The following COL19A1 variants were observed in gnomAD, a reference collection of about 807,000 sequenced individuals.
The protein encoded by COL19A1 is collagen alpha-1(XIX) chain.
In COL19A1, 159 loss-of-function variants were observed where a neutral mutation model predicts 190.2. The observed-to-expected ratio is 0.84, with a 90% CI of 0.73 to 0.95. The LOEUF (loss-of-function observed/expected upper bound fraction) is 0.95. Among genes scored for constraint, COL19A1 ranks in the 40% least tolerant of loss-of-function variants. COL19A1 has a pLI of 0.00. For synonymous variants in COL19A1, 509 were observed against 458.9 expected (o/e 1.11, Z -1.39); for missense variants, 1,418 against 1,431.9 (o/e 0.99, Z 0.16).
intron 4 of COL19A1, among the ~76,000 whole-genome samples, chr6:69,919,863 G>C (rs571396788): frequency 6.6e-4 from 100 of 151,878 alleles, no homozygotes; most frequent in Non-Finnish European, 1.0e-3. Context: ...CTATAGGTTG[G>C]GAGTTCTAGA....
intron 31 of COL19A1, among the ~76,000 whole-genome samples, chr6:70,153,780 T>G (rs1026408097): frequency 6.6e-6 from 1 of 151,808 alleles, no homozygotes; most frequent in African/African-American, 2.4e-5. Flanking sequence ...ATCTTCATAG[T>G]TTTTCAGGTG....
At chr6:70,072,171 G>A (rs1781599769) in intron 15 of COL19A1, among the ~76,000 whole-genome samples, 1 of 152,042 alleles carries the variant, frequency 6.6e-6, no homozygotes, top group African/African-American at 2.4e-5. Context: ...AAAAGAACTG[G>A]CATTATAAAA....
At chr6:70,151,369 G>T in intron 30 of COL19A1, 28 bp from the exon 31 acceptor site, 1 of 1,608,386 alleles carries the variant, frequency 6.2e-7, no homozygotes. Flanking sequence ...ATAAATGCAT[G>T]TATTTGGTTT....
chr6:69,884,706 T>A (rs1582277792), intron 2 of COL19A1, among the ~76,000 whole-genome samples: 2 of 152,200 alleles, frequency 1.3e-5, no homozygotes, highest in African/African-American at 4.8e-5. Flanking sequence ...TAACTCCTCT[T>A]GGATGACTAT....
At chr6:70,104,490 C>T (rs568681001) in intron 16 of COL19A1, among the ~76,000 whole-genome samples, 33 of 152,152 alleles carry the variant, frequency 2.2e-4, no homozygotes, top group Non-Finnish European at 4.9e-4. Flanking sequence ...CCATTAGAAA[C>T]CACCCTCTTG....
chr6:70,199,814 A>G (rs745489510), intron 49 of COL19A1, 78 bp downstream of exon 49: 14 of 1,421,912 alleles, frequency 9.8e-6, no homozygotes, highest in South Asian at 1.5e-5. Context: ...AGTTAAGGAA[A>G]AAAGTATGTA....
At chr6:69,871,158 C>T (rs1421426094) in intron 1 of COL19A1, among the ~76,000 whole-genome samples, 3 of 152,140 alleles carry the variant, frequency 2.0e-5, no homozygotes, top group South Asian at 2.1e-4. Context: ...GGATATTTTG[C>T]CTGATTATTG....
rs1184246372 is a variant in COL19A1 at position 70,208,630 on chromosome 6, C to G, written c.*1356C>G. 1 of 152,658 alleles carries G rather than the reference C, an allele frequency of 6.6e-6. No individual in the cohort carries two copies. The highest frequency in any genetic ancestry group is 1.5e-5 in the Non-Finnish European group (1 of 68,068). The allele number at this position is 152,658 out of a possible 1,614,324, so 9.5% of individuals were successfully genotyped here. On this transcript the variant is annotated 3_prime_UTR_variant, in exon 51 of 51. Transcript: ENST00000620364. Reference sequence around the variant, plus strand: ...GCAGAAATCTAGATGGTGGGTCCCACAGATGTGAGAACATGCTGCAAGAGC... The same window carrying G: ...GCAGAAATCTAGATGGTGGGTCCCAGAGATGTGAGAACATGCTGCAAGAGC...
chr6:69,964,276 A>G (rs1437652546), intron 11 of COL19A1, among the ~76,000 whole-genome samples: 1 of 152,138 alleles, frequency 6.6e-6, no homozygotes, highest in Non-Finnish European at 1.5e-5. Context: ...TATAATAACC[A>G]TACTTTTGGA....
chr6:70,206,766 C>T, intron 49 of COL19A1, 135 bp from the exon 50 acceptor site: 1 of 648,274 alleles, frequency 1.5e-6, no homozygotes, highest in South Asian at 2.5e-5. Flanking sequence ...TAATGCAAAA[C>T]AGTTAGCTAA....
Position 70,053,374 on chromosome 6 carries a change from G to T in COL19A1, c.1171-15049G>T, listed in dbSNP as rs190694780. Among the ~76,000 whole-genome samples, 114 of 152,104 alleles carry T rather than the reference G, an allele frequency of 7.5e-4. 3 individuals carry two copies. Among genetic ancestry groups the T allele is most frequent in the Admixed American group, 7.2e-3 (110 of 15,278 alleles). On this transcript the variant is annotated intron_variant, in intron 14 of 50. Coordinates refer to ENST00000620364, the MANE Select transcript of COL19A1 (RefSeq NM_001858.6). ...AGTGACTGGTAAATTGAAAATTAGG[G>T]TTTTTTTCTGACTTTGATAGATTCA...
At position 70,199,601 on chromosome 6, in the gene COL19A1, C is replaced by T; in HGVS notation, c.3095-7C>T. ...ATGATATATTATTTTTTCTTCTATA[C>T]ATGAAGAGAGGATGGCTGTATTCCT... On this transcript the variant is annotated splice_region_variant and splice_polypyrimidine_tract_variant and intron_variant, in intron 48 of 50. Transcript: ENST00000620364. 1 of 1,551,548 alleles carries T rather than the reference C, an allele frequency of 6.4e-7. No individual in the cohort carries two copies. The highest frequency in any genetic ancestry group is 8.7e-7 in the Non-Finnish European group (1 of 1,146,284).
chr6:70,162,879 T>A (rs912647979), intron 35 of COL19A1, among the ~76,000 whole-genome samples: 1 of 152,160 alleles, frequency 6.6e-6, no homozygotes, highest in Non-Finnish European at 1.5e-5. Context: ...ACCATGAAAA[T>A]TATAGCTAAC....
At chr6:70,120,056 A>C (rs1198740821) in intron 16 of COL19A1, among the ~76,000 whole-genome samples, 3 of 152,158 alleles carry the variant, frequency 2.0e-5, no homozygotes, top group African/African-American at 4.8e-5. Context: ...GTGCCACTGC[A>C]CTCCAGCCTG....
chr6:70,138,122 A>G (rs543645813), intron 19 of COL19A1, among the ~76,000 whole-genome samples: 4 of 152,326 alleles, frequency 2.6e-5, no homozygotes, highest in Non-Finnish European at 5.9e-5. Flanking sequence ...TGGTATAACT[A>G]AACACTGCAG....
intron 2 of COL19A1, chr6:69,891,201 A>AGC (rs138728372): frequency 0.1 from 14,762 of 142,148 alleles, 811 homozygotes; most frequent in Middle Eastern, 0.13. Flanking sequence ...ACACCCAGCT[A>AGC]GCAAAAAAAA....
In COL19A1 at chr6:69,922,704, C is replaced by T. The variant is rs534297018; in HGVS notation, c.267-5205C>T. On this transcript the variant is annotated intron_variant, in intron 4 of 50. Coordinates refer to ENST00000620364, the MANE Select transcript of COL19A1 (RefSeq NM_001858.6). ...CTATGTTGGCCAGGCAGGTCTCAAA[C>T]TCCTGACCTCAAGTGATCTGCCCGC... Among the ~76,000 whole-genome samples, 11 of 152,198 alleles carry T rather than the reference C, an allele frequency of 7.2e-5. No individual in the cohort carries two copies. The East Asian group carries it at 1.2e-3, about 16-fold the overall frequency.
At chr6:70,145,722 C>CTTTTTTTTTTTTTTTTTTTTTTTT (rs56306364) in intron 25 of COL19A1, among the ~76,000 whole-genome samples, 1 of 128,172 alleles carries the variant, frequency 7.8e-6, no homozygotes, top group Admixed American at 8.3e-5. Flanking sequence ...CTTATTGTTT[C>CTTTTTTTTTTTTTTTTTTTTTTTT]TTTTTTTTTT....
intron 1 of COL19A1, among the ~76,000 whole-genome samples, chr6:69,873,986 A>G (rs985826778): frequency 1.3e-5 from 2 of 152,216 alleles, no homozygotes; most frequent in Non-Finnish European, 2.9e-5. Flanking sequence ...GAGGAGCAAC[A>G]CATTAAAATC....
Sources: allele counts gnomAD v4.1 joint callset (sites outside exome capture counted in the v4.1 genomes callset), GRCh38; gene constraint gnomAD v4.1.1; transcripts MANE v1.5; gene names NCBI Gene and HGNC (gene_info 2026-07-23, HGNC 2026-07-21).